PRKN: variants seen among roughly 807,000 people sequenced by gnomAD.
PRKN encodes the protein parkin RBR E3 ubiquitin protein ligase.
Under a neutral mutation model 59.5 loss-of-function variants are expected in PRKN, and 56 were observed. That is an observed-to-expected ratio of 0.94 (90% CI 0.76 to 1.18). PRKN has a LOEUF of 1.18. Among genes scored for constraint, PRKN ranks in the 50% most tolerant of loss-of-function variants. The probability of loss-of-function intolerance (pLI) is 0.00; values close to 1 mark genes in which losing one functional copy is unlikely to be tolerated. For synonymous variants in PRKN, 250 were observed against 222.1 expected (o/e 1.13, Z -1.12); for missense variants, 657 against 596.4 (o/e 1.10, Z -1.06).
At chr6:162,203,740 T>C (rs1193215432) in intron 3 of PRKN, among the ~76,000 whole-genome samples, 2 of 152,146 alleles carry the variant, frequency 1.3e-5, no homozygotes, top group African/African-American at 2.4e-5. Context: ...CTCTAGTCAA[T>C]AGCATGAATC....
chr6:161,978,614 A>T (rs956070574), intron 5 of PRKN, among the ~76,000 whole-genome samples: 1 of 152,038 alleles, frequency 6.6e-6, no homozygotes, highest in South Asian at 2.1e-4. Context: ...TTAAAAAATT[A>T]AAAAAGTCAA....
intron 5 of PRKN, among the ~76,000 whole-genome samples, chr6:162,015,480 C>T (rs1355549666): frequency 6.6e-6 from 1 of 152,086 alleles, no homozygotes; most frequent in East Asian, 1.9e-4. Context: ...TAATATTCTC[C>T]CGTTCAAGGT....
At chr6:162,140,807 A>T (rs1781746080) in intron 4 of PRKN, among the ~76,000 whole-genome samples, 1 of 152,286 alleles carries the variant, frequency 6.6e-6, no homozygotes, top group African/African-American at 2.4e-5. Flanking sequence ...ATTAATTTTT[A>T]AAAGTGGTAG....
intron 4 of PRKN, among the ~76,000 whole-genome samples, chr6:162,190,998 A>G (rs1162793764): frequency 2.0e-5 from 3 of 152,172 alleles, no homozygotes; most frequent in Non-Finnish European, 4.4e-5. Context: ...AGAAACAGGC[A>G]CTGGAGAAAA....
intron 10 of PRKN, among the ~76,000 whole-genome samples, chr6:161,365,903 G>A (rs1042960630): frequency 6.6e-6 from 1 of 152,220 alleles, no homozygotes; most frequent in Non-Finnish European, 1.5e-5. Flanking sequence ...AGGTAGCTAG[G>A]AGGGTTTGAT....
intron 7 of PRKN, among the ~76,000 whole-genome samples, chr6:161,672,771 A>G (rs12197876): frequency 0.38 from 57,051 of 151,942 alleles, 11,596 homozygotes; most frequent in South Asian, 0.5. Context: ...GCAAGACTCC[A>G]TTACACAAAA....
In PRKN at chr6:161,386,913, T is replaced by C. The variant is rs1309387264; in HGVS notation, c.1084-36A>G. 6.5e-7 allele frequency: 1 copy of C among 1,534,536 alleles called. No individual in the cohort carries two copies. The highest frequency in any genetic ancestry group is 9.0e-7 in the Non-Finnish European group (1 of 1,107,406). ...ACACACATCCATTAATTAGGGACAT[T>C]AGGTTGCATTTGGCAATAACACATT... On this transcript the variant is annotated intron_variant, in intron 9 of 11. Coordinates refer to ENST00000366898, the MANE Select transcript of PRKN (RefSeq NM_004562.3). This position sits in a 1 kb window ranked among gnomAD's most constrained non-coding sequence, Gnocchi z 4.3.
At chr6:162,353,446 A>G (rs1784706296) in intron 2 of PRKN, among the ~76,000 whole-genome samples, 1 of 152,158 alleles carries the variant, frequency 6.6e-6, no homozygotes, top group Admixed American at 6.6e-5. Flanking sequence ...TATATTATGT[A>G]CATAAAATAA....
chr6:162,518,373 G>C (rs564044009), intron 1 of PRKN, among the ~76,000 whole-genome samples: 1 of 152,218 alleles, frequency 6.6e-6, no homozygotes, highest in East Asian at 1.9e-4. Flanking sequence ...CATATTTATT[G>C]ATATATTTTT....
At chr6:162,310,975 C>T (rs1341187954) in intron 2 of PRKN, among the ~76,000 whole-genome samples, 1 of 151,994 alleles carries the variant, frequency 6.6e-6, no homozygotes, top group Non-Finnish European at 1.5e-5. Context: ...TGAAAATTTA[C>T]AATCATTCAG....
chr6:162,328,570 C>A (rs968531834), intron 2 of PRKN, among the ~76,000 whole-genome samples: 1 of 152,094 alleles, frequency 6.6e-6, no homozygotes, highest in Non-Finnish European at 1.5e-5. Flanking sequence ...GAAAAGAGAC[C>A]GGTAAATAAA....
chr6:162,006,857 C>A (rs58957516), intron 5 of PRKN, among the ~76,000 whole-genome samples: 32,150 of 152,036 alleles, frequency 0.21, 3,668 homozygotes, highest in African/African-American at 0.3. Flanking sequence ...TGACATACTG[C>A]GCCCAATGAA....
chr6:162,347,338 T>G (rs1278830696), intron 2 of PRKN, among the ~76,000 whole-genome samples: 1 of 10,682 alleles, frequency 9.4e-5, no homozygotes, highest in Non-Finnish European at 1.5e-4. Flanking sequence ...TATATAGAAT[T>G]TTTTTTTTAT....
At chr6:162,334,009 GCC>G (rs1189885285) in intron 2 of PRKN, among the ~76,000 whole-genome samples, 2 of 152,168 alleles carry the variant, frequency 1.3e-5, no homozygotes, top group East Asian at 3.9e-4. Flanking sequence ...ATTCCCTAAA[GCC>G]AAAGCCTAAT....
rs999213889 is a variant in PRKN at position 161,356,592 on chromosome 6, C to G, written c.1285+3496G>C. Among the ~76,000 whole-genome samples, 2 of 152,042 alleles carry G rather than the reference C, an allele frequency of 1.3e-5. No individual in the cohort carries two copies. The highest frequency in any genetic ancestry group is 4.8e-5 in the African/African-American group (2 of 41,392). On this transcript the variant is annotated intron_variant, in intron 11 of 11. Coordinates refer to ENST00000366898, the MANE Select transcript of PRKN (RefSeq NM_004562.3). The surrounding 1 kb of genome is among the most constrained non-coding windows in gnomAD (Gnocchi z 7.8). ...CTGGGGACGTGGAGTCAGAGGTGGG[C>G]AGACGCTGGATCAGAGCACGGGGAA...
rs1781339594 is a variant in PRKN, at chr6:161,581,541, G to A, written c.872-12125C>T. 6.6e-6 allele frequency among the ~76,000 whole-genome samples: 1 copy of A among 152,214 alleles called. No individual in the cohort carries two copies. Among genetic ancestry groups the A allele is most frequent in the Non-Finnish European group, 1.5e-5 (1 of 68,040 alleles). On this transcript the variant is annotated intron_variant, in intron 7 of 11. Coordinates refer to ENST00000366898, the MANE Select transcript of PRKN (RefSeq NM_004562.3). The surrounding 1 kb of genome is among the most constrained non-coding windows in gnomAD (Gnocchi z 4.5). Reference sequence around the variant, plus strand: ...GGAAGAAGGTCACGGAAGAGGATATGCTGAAGTCTGAGGTTTGAGTCACTG... The same window carrying A: ...GGAAGAAGGTCACGGAAGAGGATATACTGAAGTCTGAGGTTTGAGTCACTG...
chr6:161,989,279 C>T (rs200286341), intron 5 of PRKN, among the ~76,000 whole-genome samples: 2 of 35,048 alleles, frequency 5.7e-5, no homozygotes, highest in African/African-American at 1.1e-4. Context: ...TATATATATA[C>T]ACCATCCAGG....
chr6:162,544,233 A>T (rs1292624542), intron 1 of PRKN, among the ~76,000 whole-genome samples: 1 of 152,188 alleles, frequency 6.6e-6, no homozygotes, highest in Non-Finnish European at 1.5e-5. Context: ...AAAATAACAC[A>T]ACCCTGAGGA....
intron 11 of PRKN, among the ~76,000 whole-genome samples, chr6:161,358,165 T>C (rs1784835533): frequency 6.6e-6 from 1 of 152,184 alleles, no homozygotes; most frequent in Admixed American, 6.5e-5. Context: ...TATTTCAGGT[T>C]AGTCCTTTAG....
Sources: allele counts gnomAD v4.1 joint callset (sites outside exome capture counted in the v4.1 genomes callset), GRCh38; gene constraint gnomAD v4.1.1; non-coding constraint Gnocchi (gnomAD v3.1); transcripts MANE v1.5; gene names NCBI Gene and HGNC (gene_info 2026-07-23, HGNC 2026-07-21).